MICALL1: variants seen among roughly 807,000 people sequenced by gnomAD.
MICALL1 encodes MICAL-like protein 1.
A neutral mutation model predicts 83.7 loss-of-function variants in MICALL1; 61 were observed. The observed-to-expected ratio is 0.73, with a 90% CI of 0.59 to 0.90. The LOEUF is 0.90. Among genes scored for constraint, MICALL1 ranks in the 40% least tolerant of loss-of-function variants. The pLI is 0.00. For synonymous variants in MICALL1, 481 were observed against 473.6 expected, an observed-to-expected ratio of 1.02 and a Z score of -0.20; for missense variants, 1,066 against 1,152.0, an observed-to-expected ratio of 0.93 and a Z score of 1.08.
chr22:37,932,614 G>A lies in MICALL1; in HGVS notation c.2078G>A (p.Arg693His), dbSNP rs756999707. Residue 693 changes from arginine to histidine, a missense_variant, in exon 11 of 16, where the codon CGC becomes CAC. Arg to His is a conservative substitution (Grantham distance 29, BLOSUM62 0). Transcript: ENST00000215957. The surrounding 1 kb of genome is among the most constrained non-coding windows in gnomAD (Gnocchi z 4.4). ...DIHGEMDTIE[R>H]RLDALEHRGV... ...CATGGAGAGATGGATACCATTGAGC[G>A]CCGGCTGGATGCCCTGGAGCACCGT... 4.2e-5 allele frequency: 67 copies of A among 1,614,034 alleles called. No individual in the cohort carries two copies. Among genetic ancestry groups the A allele is most frequent in the Non-Finnish European group, 5.2e-5 (61 of 1,180,026 alleles).
Position 37,932,469 on chromosome 22 carries a change from A to G in MICALL1, c.2017-84A>G, listed in dbSNP as rs1929841780. 2.6e-6 allele frequency: 4 copies of G among 1,563,090 alleles called. No homozygotes were observed. In the East Asian group the frequency reaches 9.0e-5, roughly 35 times the overall value. ...ACAGGGCCCGGGCCCTGGAGCCACC[A>G]GTGGCCAATGCTGGCCAGAGAAGAG... On this transcript the variant is annotated intron_variant, in intron 10 of 15. Coordinates refer to ENST00000215957, the MANE Select transcript of MICALL1 (RefSeq NM_033386.4). This position sits in a 1 kb window ranked among gnomAD's most constrained non-coding sequence, Gnocchi z 4.4.
In MICALL1 at chr22:37,925,925, C is replaced by T; in HGVS notation, c.1347C>T (p.Ala449=). 3.1e-6 allele frequency: 5 copies of T among 1,613,144 alleles called. No individual in the cohort carries two copies. The highest frequency in any genetic ancestry group is 4.2e-6 in the Non-Finnish European group (5 of 1,179,612). ...CACCCAGCCTGGCCACCAGCCCTGC[C>T]CTGGGCCACCCGGAGTCCACACCCA... The part of the protein sequence containing the change: ...PAAPSLATSP[A]LGHPESTPKS... The change falls in exon 8 of 16, where the codon GCC becomes GCT. Residue 449 remains alanine (A), a synonymous_variant. Transcript: ENST00000215957.
intron 1 of MICALL1, chr22:37,907,520 C>T (rs1175953811): frequency 6.6e-6 from 1 of 152,286 alleles, no homozygotes; most frequent in Non-Finnish European, 1.5e-5. Context: ...CAGGTCTCAC[C>T]TGTGAATCAG....
intron 3 of MICALL1, among the ~76,000 whole-genome samples, chr22:37,914,087 G>T (rs576723629): frequency 3.9e-5 from 6 of 151,992 alleles, no homozygotes; most frequent in East Asian, 3.9e-4. Flanking sequence ...CTTTGGCCAG[G>T]CTGGTCTCAA....
chr22:37,940,594 G>C, intron 15 of MICALL1, 115 bp from the exon 16 acceptor site: 2 of 1,295,338 alleles, frequency 1.5e-6, no homozygotes, highest in Non-Finnish European at 2.1e-6. Flanking sequence ...ACAGGAAGTG[G>C]TGGGGCTGGG....
chr22:37,941,079 G>T lies in MICALL1; in HGVS notation c.*249G>T. On this transcript the variant is annotated 3_prime_UTR_variant, in exon 16 of 16. Coordinates refer to ENST00000215957, the MANE Select transcript of MICALL1 (RefSeq NM_033386.4). ...TGCCCAACCTGATTCTGATGACTGC[G>T]GATGCTGTGACGGACCCAAGGGGCA... The T allele has an allele frequency of 2.4e-6, 1 of 416,458 alleles. No homozygotes were observed. Among genetic ancestry groups the T allele is most frequent in the South Asian group, 2.6e-5 (1 of 38,676 alleles). 25.8% of individuals were successfully genotyped at this position (416,458 alleles called of 1,614,324 possible).
intron 1 of MICALL1, among the ~76,000 whole-genome samples, chr22:37,911,679 C>T (rs1290064605): frequency 3.9e-5 from 6 of 152,166 alleles, no homozygotes; most frequent in Admixed American, 6.5e-5. Context: ...GAGCCTCACC[C>T]CTTCCCAGTG....
chr22:37,926,115 T>C, intron 8 of MICALL1, 72 bp downstream of exon 8: 2 of 1,475,010 alleles, frequency 1.4e-6, no homozygotes, highest in East Asian at 2.4e-5. Flanking sequence ...GGAGGGGGTG[T>C]GGTGGGGCAG....
chr22:37,915,192 C>T (rs1014472083), intron 3 of MICALL1, among the ~76,000 whole-genome samples: 8 of 151,962 alleles, frequency 5.3e-5, no homozygotes, highest in African/African-American at 1.2e-4. Context: ...TTTGAGGCTG[C>T]GGTGAGCTAT....
rs1347974553 is a variant in MICALL1 at position 37,924,258 on chromosome 22, G to A, written c.1025-402G>A. Among the ~76,000 whole-genome samples, 1 of 152,188 alleles carries A rather than the reference G, an allele frequency of 6.6e-6. No individual in the cohort carries two copies. Among genetic ancestry groups the A allele is most frequent in the East Asian group, 1.9e-4 (1 of 5,178 alleles). Reference sequence around the variant, plus strand: ...GGTGGAGACAGGCACAGATGCAAGGGTTTCAGTGGATTGTGGAAGTCTTGC... The same window carrying A: ...GGTGGAGACAGGCACAGATGCAAGGATTTCAGTGGATTGTGGAAGTCTTGC... On this transcript the variant is annotated intron_variant, in intron 6 of 15. Transcript: ENST00000215957. This position sits in a 1 kb window ranked among gnomAD's most constrained non-coding sequence, Gnocchi z 5.2.
Position 37,922,200 on chromosome 22 carries a change from G to A in MICALL1, c.798G>A (p.Glu266=). ...GPSSSAPAGA[E]ADGPKASPEA... ...GCTCCAGTGCTCCTGCAGGGGCTGAGGCCGATGGACCCAAGGCCAGCCCTG... is the reference window on the plus strand; with the variant it reads ...GCTCCAGTGCTCCTGCAGGGGCTGAAGCCGATGGACCCAAGGCCAGCCCTG... The change falls in exon 6 of 16, where the codon GAG becomes GAA. Residue 266 remains glutamate (E), a synonymous_variant. Coordinates refer to ENST00000215957, the MANE Select transcript of MICALL1 (RefSeq NM_033386.4). 2.5e-6 allele frequency: 4 copies of A among 1,612,216 alleles called. No homozygotes were observed. The highest frequency in any genetic ancestry group is 3.4e-6 in the Non-Finnish European group (4 of 1,179,694).
In MICALL1 at chr22:37,937,093, G is replaced by A. The variant is rs1930170133; in HGVS notation, c.2322G>A (p.Thr774=). Residue 774 remains threonine, a synonymous_variant, in exon 14 of 16, where the codon ACG becomes ACA. Transcript: ENST00000215957. ...CTCCCTGGGCAGAAAAGGACTGGAC[G>A]GAGGAGGACCGGGCCCGGGAGAAGG... ...CLLNKPEKDW[T]EEDRAREKVL... is the part of the protein sequence containing the mutation. 2 of 1,551,598 alleles carry A rather than the reference G, an allele frequency of 1.3e-6. No homozygotes were observed. Among genetic ancestry groups the A allele is most frequent in the South Asian group, 1.2e-5 (1 of 84,064 alleles).
chr22:37,924,864 C>A lies in MICALL1; in HGVS notation c.1082+147C>A. ...AAGGAGAGCTGGGCCCACACCCCTT[C>A]TCCTGAGGCTCACCCCGGGATTCCT... On this transcript the variant is annotated intron_variant, in intron 7 of 15. Transcript: ENST00000215957. This position sits in a 1 kb window ranked among gnomAD's most constrained non-coding sequence, Gnocchi z 5.2. The A allele has an allele frequency of 1.4e-6, 1 of 711,210 alleles. No homozygotes were observed. Among genetic ancestry groups the A allele is most frequent in the Non-Finnish European group, 2.2e-6 (1 of 445,416 alleles). 44.1% of individuals were successfully genotyped at this position (711,210 alleles called of 1,614,324 possible). A position where few individuals can be genotyped will look rare whatever the true frequency, so the allele number is the denominator to read the frequency against.
chr22:37,911,544 CAG>C (rs1928321330), intron 1 of MICALL1, among the ~76,000 whole-genome samples: 1 of 152,196 alleles, frequency 6.6e-6, no homozygotes, highest in South Asian at 2.1e-4. Context: ...GTAAATGAGA[CAG>C]AGGAGCCCAG....
At chr22:37,915,166 TG>T (rs1486596787) in intron 3 of MICALL1, among the ~76,000 whole-genome samples, 1 of 151,960 alleles carries the variant, frequency 6.6e-6, no homozygotes, top group Non-Finnish European at 1.5e-5. Context: ...ATGGGAGGTT[TG>T]CTTGAGGCCA....
At chr22:37,914,806 T>C (rs747539877) in intron 3 of MICALL1, among the ~76,000 whole-genome samples, 17 of 151,332 alleles carry the variant, frequency 1.1e-4, no homozygotes, top group Non-Finnish European at 2.2e-4. Context: ...CACACCCAGC[T>C]AACTTTTATA....
chr22:37,909,024 G>C (rs771011066), intron 1 of MICALL1, among the ~76,000 whole-genome samples: 2 of 152,094 alleles, frequency 1.3e-5, no homozygotes, highest in Admixed American at 6.6e-5. Flanking sequence ...AGCATGGATA[G>C]GGGCCTCAGG....
chr22:37,933,429 C>T (rs1051533726), intron 13 of MICALL1, among the ~76,000 whole-genome samples: 1 of 152,154 alleles, frequency 6.6e-6, no homozygotes, highest in African/African-American at 2.4e-5. Flanking sequence ...CTGTTTTGTG[C>T]GTGGGTCAGA....
At chr22:37,935,154 G>A (rs550107893) in intron 13 of MICALL1, among the ~76,000 whole-genome samples, 22 of 150,696 alleles carry the variant, frequency 1.5e-4, no homozygotes, top group Non-Finnish European at 2.4e-4. Flanking sequence ...GGATGGTCTC[G>A]ATCTCCTGAC....
Sources: allele counts gnomAD v4.1 joint callset (sites outside exome capture counted in the v4.1 genomes callset), GRCh38; gene constraint gnomAD v4.1.1; non-coding constraint Gnocchi (gnomAD v3.1); transcripts MANE v1.5; gene names NCBI Gene and HGNC (gene_info 2026-07-23, HGNC 2026-07-21).